The following TMEM230 variants were observed in gnomAD, a reference collection of about 807,000 sequenced individuals.
TMEM230 encodes the protein transmembrane protein 230.
Under a neutral mutation model 15.8 loss-of-function variants are expected in TMEM230, and 10 were observed. The ratio of observed to expected loss-of-function variants is 0.63; its 90% CI spans 0.39 to 1.07. The LOEUF is 1.07. TMEM230 is among the 50% of genes least tolerant of loss of function. The pLI is 0.01. For synonymous variants in TMEM230, 67 were observed against 76.9 expected (o/e 0.87, Z 0.68); for missense variants, 165 against 193.3 (o/e 0.85, Z 0.87).
intron 3 of TMEM230, among the ~76,000 whole-genome samples, chr20:5,070,232 C>A (rs2088778012): frequency 6.6e-6 from 1 of 152,130 alleles, no homozygotes; most frequent in Non-Finnish European, 1.5e-5. Context: ...ATTGTCCCAG[C>A]TGAGTTCTCA....
chr20:5,070,181 C>T (rs1219130078), intron 3 of TMEM230, among the ~76,000 whole-genome samples: 1 of 152,118 alleles, frequency 6.6e-6, no homozygotes, highest in Non-Finnish European at 1.5e-5. Context: ...TAAGTGGACT[C>T]CTGAGCCACC....
downstream of TMEM230, among the ~76,000 whole-genome samples, chr20:5,065,031 A>G (rs897547634): frequency 6.6e-6 from 1 of 152,014 alleles, no homozygotes; most frequent in Admixed American, 6.6e-5. Context: ...AACCAAAAAG[A>G]TATCTTTTTT....
chr20:5,109,395 G>T lies in TMEM230; in HGVS notation c.225C>A (p.Ile75=). ...TTGAATATTTCACTTTACTACTGGG[G>T]ATTCCAGTAGCCAGGTTGGTACGGG... The change falls in exon 3 of 5, where the codon ATC becomes ATA. Residue 75 remains isoleucine (I), a synonymous_variant. Transcript: ENST00000342308. 1.9e-6 allele frequency: 3 copies of T among 1,613,828 alleles called. No homozygotes were observed. The highest frequency in any genetic ancestry group is 2.5e-6 in the Non-Finnish European group (3 of 1,179,832).
intron 4 of TMEM230, among the ~76,000 whole-genome samples, chr20:5,104,488 G>T (rs2089992561): frequency 6.6e-6 from 1 of 152,140 alleles, no homozygotes; most frequent in Non-Finnish European, 1.5e-5. Context: ...GTATGAAATA[G>T]AACTACCATA....
At chr20:5,079,343 T>C (rs979738543) in intron 3 of TMEM230, among the ~76,000 whole-genome samples, 1 of 152,214 alleles carries the variant, frequency 6.6e-6, no homozygotes, top group Admixed American at 6.5e-5. Flanking sequence ...CCCTTTGACT[T>C]TTCCTTGGCT....
At chr20:5,083,540 T>C (rs1352332937) in intron 3 of TMEM230, among the ~76,000 whole-genome samples, 2 of 152,164 alleles carry the variant, frequency 1.3e-5, no homozygotes, top group Non-Finnish European at 2.9e-5. Context: ...CACACAGATT[T>C]CCTTAATATA....
intron 3 of TMEM230, among the ~76,000 whole-genome samples, chr20:5,077,414 C>T (rs2089039111): frequency 1.3e-5 from 2 of 152,148 alleles, no homozygotes; most frequent in Admixed American, 1.3e-4. Context: ...AGACAAAAAT[C>T]TGGTCCTTGG....
chr20:5,096,705 T>C (rs1023141157), downstream of TMEM230, among the ~76,000 whole-genome samples: 2 of 152,184 alleles, frequency 1.3e-5, no homozygotes, highest in Admixed American at 6.5e-5. Context: ...GCAGCTGGCC[T>C]GCTAGGCAGC....
At position 5,113,072 on chromosome 20, in the gene TMEM230, TCA is replaced by T. The variant is rs747075338; in HGVS notation, c.-46_-45del. The T allele has an allele frequency of 2.9e-4, 451 of 1,538,554 alleles. 10 individuals are homozygous for T. The East Asian group carries it at 0.011, about 37-fold the overall frequency. ...GCCACTCAGCCGGCCCCAGGCGGGA[TCA>T]GTGCGCCGGAAGTGGCGTGCCGGAA... On this transcript the variant is annotated 5_prime_UTR_variant, in exon 1 of 5. Coordinates refer to ENST00000342308, the MANE Select transcript of TMEM230 (RefSeq NM_001009923.2).
At chr20:5,105,298 A>ATATG (rs749794816) in intron 4 of TMEM230, among the ~76,000 whole-genome samples, 69 of 151,860 alleles carry the variant, frequency 4.5e-4, no homozygotes, top group African/African-American at 8.9e-4. Flanking sequence ...AAATATATAT[A>ATATG]TATGTATGTA....
At chr20:5,112,794 C>T (rs16990615) in intron 1 of TMEM230, 167 bp downstream of exon 1, 2 of 1,499,580 alleles carry the variant, frequency 1.3e-6, no homozygotes, top group Non-Finnish European at 1.8e-6. Flanking sequence ...CGAATTTAGA[C>T]GTAAAACAAA....
rs1226533462 is a variant in TMEM230, at chr20:5,106,653, C to T, written c.289-343G>A. ...AACTCCTGACCTCAGGTGATCCGCC[C>T]GCCTCGGCCTCCCAAAGTGCTGGCA... is the stretch of plus-strand genomic sequence containing the variant. On this transcript the variant is annotated intron_variant, in intron 3 of 4. Coordinates refer to ENST00000342308, the MANE Select transcript of TMEM230 (RefSeq NM_001009923.2). 3.3e-5 allele frequency among the ~76,000 whole-genome samples: 5 copies of T among 152,140 alleles called. No individual in the cohort carries two copies. In the South Asian group the frequency reaches 8.3e-4, roughly 25 times the overall value.
intron 3 of TMEM230, 49 bp from the exon 3 acceptor site, chr20:5,106,359 A>C (rs1279172166): frequency 6.4e-7 from 1 of 1,550,828 alleles, no homozygotes; most frequent in South Asian, 1.2e-5. Context: ...ATTAATGCAA[A>C]TACCTGGGTT....
rs569359642 is a variant in TMEM230 at position 5,075,618 on chromosome 20, G to A, written c.223-6269C>T. Among the ~76,000 whole-genome samples the A allele has an allele frequency of 5.3e-5, 8 of 151,726 alleles. No individual in the cohort carries two copies. In the East Asian group the frequency reaches 9.9e-4, roughly 19 times the overall value. The stretch of plus-strand genomic sequence containing the variant: ...CACACGCCTATAATCCCAGCTACTC[G>A]GGAGGATGAAGCAGGAGAATCTCTT... On this transcript the variant is annotated intron_variant, in intron 3 of 3. Coordinates refer to the TMEM230 transcript ENST00000612323.
chr20:5,089,949 G>A lies in TMEM230; in HGVS notation c.222+16239C>T, dbSNP rs572760273. On this transcript the variant is annotated intron_variant, in intron 3 of 3. Coordinates refer to the TMEM230 transcript ENST00000612323. ...CAGGATAATCGCTTGAACCTGGGGGGCGGAGGTTGCAGTGGGCTATCGTGC... is the reference window on the plus strand; with the variant it reads ...CAGGATAATCGCTTGAACCTGGGGGACGGAGGTTGCAGTGGGCTATCGTGC... Among the ~76,000 whole-genome samples, 13 of 152,196 alleles carry A rather than the reference G, an allele frequency of 8.5e-5. No homozygotes were observed. The South Asian group carries it at 2.7e-3, about 32-fold the overall frequency.
At position 5,090,704 on chromosome 20, in the gene TMEM230, C is replaced by T. The variant is rs1265467924; in HGVS notation, c.222+15484G>A. ...CAGCTATGAATAGCGTTTGTGTATC[C>T]TTAGCAATATCAATATTAATATTGA... On this transcript the variant is annotated intron_variant, in intron 3 of 3. Transcript: ENST00000612323. 2.0e-5 allele frequency among the ~76,000 whole-genome samples: 3 copies of T among 150,394 alleles called. No homozygotes were observed. In the Admixed American group the frequency reaches 2.0e-4, roughly 10 times the overall value.
Position 5,104,617 on chromosome 20 carries a change from A to T in TMEM230, c.411+1571T>A, listed in dbSNP as rs188791892. On this transcript the variant is annotated intron_variant, in intron 4 of 4. Coordinates refer to ENST00000342308, the MANE Select transcript of TMEM230 (RefSeq NM_001009923.2). ...TCACAACAGCCAAGATCTGGAAGCA[A>T]CCAAAGTGTTCTTCAACAGACAAGT... Among the ~76,000 whole-genome samples the T allele has an allele frequency of 3.1e-4, 47 of 152,340 alleles. 1 individual carries two copies. In the South Asian group the frequency reaches 7.0e-3, roughly 23 times the overall value.
intron 3 of TMEM230, among the ~76,000 whole-genome samples, chr20:5,082,429 A>T (rs1325006481): frequency 1.3e-5 from 2 of 150,772 alleles, no homozygotes; most frequent in African/African-American, 2.4e-5. Context: ...TTAGTTTTTT[A>T]AAAAATAACT....
chr20:5,111,887 C>G, intron 1 of TMEM230: 1 of 687,894 alleles, frequency 1.5e-6, no homozygotes, highest in Non-Finnish European at 1.8e-6. Context: ...CGCTCTGTCA[C>G]CCAGGCTAGA....
Sources: allele counts gnomAD v4.1 joint callset (sites outside exome capture counted in the v4.1 genomes callset), GRCh38; gene constraint gnomAD v4.1.1; transcripts MANE v1.5; gene names NCBI Gene and HGNC (gene_info 2026-07-23, HGNC 2026-07-21).